The following TAOK3 variants were observed in gnomAD, a reference collection of about 807,000 sequenced individuals.
The protein encoded by TAOK3 is TAO kinase 3.
In TAOK3, 40 loss-of-function variants were observed where a neutral mutation model predicts 120.4. That is an observed-to-expected ratio of 0.33 (90% CI 0.26 to 0.43). The LOEUF (loss-of-function observed/expected upper bound fraction) is 0.43. Among genes scored for constraint, TAOK3 ranks in the 20% least tolerant of loss-of-function variants. TAOK3 has a pLI of 1.00. For synonymous variants in TAOK3, 355 were observed against 387.5 expected (o/e 0.92, Z 0.99); for missense variants, 821 against 1,112.1 (o/e 0.74, Z 3.72).
intron 3 of TAOK3, among the ~76,000 whole-genome samples, chr12:118,254,826 T>G (rs948914683): frequency 1.3e-5 from 2 of 152,100 alleles, no homozygotes; most frequent in Non-Finnish European, 2.9e-5. Flanking sequence ...GGCACAATCT[T>G]GGCTCACTGC....
chr12:118,367,653 G>C (rs1201717280), intron 1 of TAOK3, among the ~76,000 whole-genome samples: 1 of 151,998 alleles, frequency 6.6e-6, no homozygotes, highest in East Asian at 1.9e-4. Context: ...TCCCTATGCT[G>C]ATATGCAATC....
chr12:118,198,809 A>C, intron 13 of TAOK3: 1 of 525,794 alleles, frequency 1.9e-6, no homozygotes, highest in Non-Finnish European at 3.4e-6. Flanking sequence ...CAAATTCTTC[A>C]ACTTATTTAT....
At chr12:118,192,958 AAC>A in intron 13 of TAOK3, among the ~76,000 whole-genome samples, 1 of 152,212 alleles carries the variant, frequency 6.6e-6, no homozygotes, top group East Asian at 1.9e-4. Flanking sequence ...TTATCTTTAA[AAC>A]ATTATCATCC....
chr12:118,298,706 T>G (rs1447223458), intron 1 of TAOK3, among the ~76,000 whole-genome samples: 2 of 152,204 alleles, frequency 1.3e-5, no homozygotes. Flanking sequence ...GAATGAAACA[T>G]GCAATGTTTC....
chr12:118,202,843 G>A (rs1049867152), intron 11 of TAOK3, among the ~76,000 whole-genome samples: 9 of 144,224 alleles, frequency 6.2e-5, no homozygotes, highest in Admixed American at 1.4e-4. Flanking sequence ...GCAGTGGTGC[G>A]ATCTTGGCTC....
chr12:118,150,806 C>CG lies in TAOK3; in HGVS notation c.*190dup, dbSNP rs1451537712. 3.3e-6 allele frequency: 2 copies of CG among 599,040 alleles called. No individual in the cohort carries two copies. Among genetic ancestry groups the CG allele is most frequent in the Admixed American group, 3.2e-5 (1 of 30,880 alleles). The allele number at this position is 599,040 out of a possible 1,614,324, so 37.1% of individuals were successfully genotyped here. A position where few individuals can be genotyped will look rare whatever the true frequency, so the allele number is the denominator to read the frequency against. ...TTTTGGCCAGCACTGAAAGTTGACA[C>CG]GGGGGGAGGAAGGGGGCCCCTGATG... On this transcript the variant is annotated 3_prime_UTR_variant, in exon 21 of 21. Transcript: ENST00000392533.
At chr12:118,266,584 T>C in intron 2 of TAOK3, 71 bp downstream of exon 2, 1 of 396,938 alleles carries the variant, frequency 2.5e-6, no homozygotes, top group Non-Finnish European at 4.4e-6. Context: ...AAGATAAAAA[T>C]TCATCCAAAA....
At chr12:118,343,072 T>C (rs1174964415) in intron 1 of TAOK3, among the ~76,000 whole-genome samples, 2 of 152,074 alleles carry the variant, frequency 1.3e-5, no homozygotes, top group Non-Finnish European at 1.5e-5. Context: ...CTACATCTAT[T>C]GGCAAATTCT....
In TAOK3 at chr12:118,160,380, G is replaced by A. The variant is rs755995576; in HGVS notation, c.2140-22C>T. On this transcript the variant is annotated intron_variant, in intron 18 of 20. Transcript: ENST00000392533. The surrounding 1 kb of genome is among the most constrained non-coding windows in gnomAD (Gnocchi z 4.2). ...TGGCCTGGGTAGAAAAAGTGACAAAGGAAAAATAAAGGCACATCAGTAAAT... is the reference window on the plus strand; with the variant it reads ...TGGCCTGGGTAGAAAAAGTGACAAAAGAAAAATAAAGGCACATCAGTAAAT... 6.3e-7 allele frequency: 1 copy of A among 1,598,560 alleles called. No homozygotes were observed. The highest frequency in any genetic ancestry group is 1.1e-5 in the South Asian group (1 of 90,346).
chr12:118,218,738 C>T (rs562148483), intron 9 of TAOK3, among the ~76,000 whole-genome samples: 3 of 152,024 alleles, frequency 2.0e-5, no homozygotes, highest in South Asian at 4.2e-4. Context: ...GAGGACCAAC[C>T]GTATTTAAAA....
At chr12:118,267,934 C>A (rs2041528896) in intron 1 of TAOK3, among the ~76,000 whole-genome samples, 1 of 150,850 alleles carries the variant, frequency 6.6e-6, no homozygotes, top group Non-Finnish European at 1.5e-5. Flanking sequence ...CCTATCCAGG[C>A]AAAACTCCAT....
chr12:118,234,354 G>A (rs141687137), intron 8 of TAOK3, among the ~76,000 whole-genome samples: 3 of 150,138 alleles, frequency 2.0e-5, no homozygotes, highest in South Asian at 2.1e-4. Flanking sequence ...TCAGACTCCC[G>A]AGTAGCTGGG....
At chr12:118,208,464 A>G (rs933973650) in intron 11 of TAOK3, among the ~76,000 whole-genome samples, 16 of 152,196 alleles carry the variant, frequency 1.1e-4, no homozygotes, top group Non-Finnish European at 1.5e-5. Flanking sequence ...TAAAAAGGAA[A>G]TACAAATGGC....
chr12:118,291,694 C>T (rs1593433957), intron 1 of TAOK3, among the ~76,000 whole-genome samples: 2 of 152,118 alleles, frequency 1.3e-5, no homozygotes, highest in African/African-American at 2.4e-5. Flanking sequence ...TTTTAATGGA[C>T]GTCTTAAGGA....
At chr12:118,159,960 GAC>G in intron 19 of TAOK3, 184 bp downstream of exon 19, 2 of 613,362 alleles carry the variant, frequency 3.3e-6, no homozygotes, top group East Asian at 2.8e-5. Flanking sequence ...CATCTTATAA[GAC>G]ACTCCAGCAA....
chr12:118,361,952 G>C (rs1052743409), intron 1 of TAOK3, among the ~76,000 whole-genome samples: 5 of 152,076 alleles, frequency 3.3e-5, no homozygotes, highest in Non-Finnish European at 7.3e-5. Flanking sequence ...TGAGGCTTCA[G>C]AGAAAGGGGA....
At chr12:118,318,027 TTCACCAAATG>T (rs893551716) in intron 1 of TAOK3, among the ~76,000 whole-genome samples, 2 of 152,136 alleles carry the variant, frequency 1.3e-5, no homozygotes, top group East Asian at 3.9e-4. Flanking sequence ...GGTCAGTCTT[TTCACCAAATG>T]GTACTGGGAT....
intron 1 of TAOK3, among the ~76,000 whole-genome samples, chr12:118,326,619 C>T (rs1329067998): frequency 1.3e-5 from 2 of 152,148 alleles, no homozygotes; most frequent in African/African-American, 4.8e-5. Flanking sequence ...ATAGCAACCC[C>T]TCTACATTAC....
intron 2 of TAOK3, among the ~76,000 whole-genome samples, chr12:118,257,863 T>C (rs926852465): frequency 2.0e-5 from 3 of 152,120 alleles, no homozygotes; most frequent in African/African-American, 7.2e-5. Flanking sequence ...ATGCTCACTA[T>C]TTGCCATACC....
Sources: allele counts gnomAD v4.1 joint callset (sites outside exome capture counted in the v4.1 genomes callset), GRCh38; gene constraint gnomAD v4.1.1; non-coding constraint Gnocchi (gnomAD v3.1); transcripts MANE v1.5; gene names NCBI Gene and HGNC (gene_info 2026-07-23, HGNC 2026-07-21).